Variants in LRBA observed in about 807,000 individuals in gnomAD.
LRBA encodes lipopolysaccharide-responsive and beige-like anchor protein.
Under a neutral mutation model 330.0 loss-of-function variants are expected in LRBA, and 176 were observed. The ratio of observed to expected loss-of-function variants is 0.53; its 90% CI spans 0.47 to 0.60. The LOEUF (loss-of-function observed/expected upper bound fraction) is 0.60. LRBA is among the 20% of genes least tolerant of loss of function. The pLI, the probability that LRBA is intolerant of heterozygous loss-of-function variation, is 0.00. For missense variants in LRBA, 3,259 were observed against 3,444.8 expected (o/e 0.95, Z 1.35); for synonymous variants, 1,230 against 1,193.0 (o/e 1.03, Z -0.64).
At chr4:150,946,364 T>C (rs984976957) in intron 2 of LRBA, among the ~76,000 whole-genome samples, 2 of 152,138 alleles carry the variant, frequency 1.3e-5, no homozygotes, top group African/African-American at 4.8e-5. Flanking sequence ...GATTATATTC[T>C]GGGACATAAT....
intron 2 of LRBA, among the ~76,000 whole-genome samples, chr4:150,979,919 C>A (rs923586184): frequency 3.9e-5 from 6 of 152,154 alleles, no homozygotes; most frequent in Admixed American, 1.3e-4. Flanking sequence ...ACCAATCCTA[C>A]TCAAATTATT....
chr4:150,962,690 G>T (rs959648538), intron 2 of LRBA, among the ~76,000 whole-genome samples: 2 of 148,522 alleles, frequency 1.3e-5, no homozygotes, highest in African/African-American at 5.2e-5. Context: ...ACAGTGGCTC[G>T]TGCCTGTAAT....
chr4:150,844,332 C>CT, intron 27 of LRBA, 125 bp from the exon 28 acceptor site: 2 of 552,142 alleles, frequency 3.6e-6, no homozygotes, highest in South Asian at 4.3e-5. Context: ...CCTTTCCCCA[C>CT]TTTTTTTGTG....
At chr4:150,691,286 GA>G (rs1316572936) in intron 36 of LRBA, among the ~76,000 whole-genome samples, 1 of 151,416 alleles carries the variant, frequency 6.6e-6, no homozygotes, top group Non-Finnish European at 1.5e-5. Flanking sequence ...CACAAATTGT[GA>G]AAAAAAATTT....
At chr4:150,665,963 CA>C (rs1781518911) in intron 37 of LRBA, among the ~76,000 whole-genome samples, 1 of 151,492 alleles carries the variant, frequency 6.6e-6, no homozygotes, top group African/African-American at 2.4e-5. Context: ...TGAAAGAAGA[CA>C]AAAAAGAAGT....
intron 47 of LRBA, among the ~76,000 whole-genome samples, chr4:150,406,378 T>A (rs888027238): frequency 1.3e-5 from 2 of 152,178 alleles, no homozygotes; most frequent in South Asian, 2.1e-4. Flanking sequence ...TAAATGTGAA[T>A]AAACACTTCA....
intron 44 of LRBA, among the ~76,000 whole-genome samples, chr4:150,445,371 CTCTCTCTA>C (rs1487395501): frequency 1.4e-4 from 12 of 84,384 alleles, no homozygotes; most frequent in Non-Finnish European, 2.2e-4. Context: ...CTCTCTCTCT[CTCTCTCTA>C]TATATATATA....
At chr4:150,702,536 A>G (rs1386707770) in intron 36 of LRBA, among the ~76,000 whole-genome samples, 1 of 152,164 alleles carries the variant, frequency 6.6e-6, no homozygotes, top group Non-Finnish European at 1.5e-5. Flanking sequence ...CAAGCTACAG[A>G]TTTGAGACTA....
At chr4:150,360,155 T>C (rs1287741395) in intron 47 of LRBA, among the ~76,000 whole-genome samples, 1 of 151,886 alleles carries the variant, frequency 6.6e-6, no homozygotes, top group African/African-American at 2.4e-5. Flanking sequence ...TTTTAATTTA[T>C]AAAAAATTTT....
At chr4:150,529,799 C>T (rs1763870324) in intron 40 of LRBA, among the ~76,000 whole-genome samples, 1 of 151,928 alleles carries the variant, frequency 6.6e-6, no homozygotes, top group Non-Finnish European at 1.5e-5. Context: ...CTTTTCTCTA[C>T]TTTTTCTTAT....
rs1037066132 is a variant in LRBA, at chr4:150,953,587, G to C, written c.217-24522C>G. ...GCCGTGTTGGCTGGGCTGGTCTCCA[G>C]CTCCTACCGCGAGTGATCTGCCAGC... On this transcript the variant is annotated intron_variant, in intron 2 of 56. Coordinates refer to ENST00000651943, the MANE Select transcript of LRBA (RefSeq NM_001364905.1). 1.2e-4 allele frequency among the ~76,000 whole-genome samples: 17 copies of C among 146,672 alleles called. No individual in the cohort carries two copies. The East Asian group carries it at 3.3e-3, about 29-fold the overall frequency.
chr4:150,713,186 T>C (rs1324510694), intron 36 of LRBA, among the ~76,000 whole-genome samples: 1 of 152,164 alleles, frequency 6.6e-6, no homozygotes, highest in Non-Finnish European at 1.5e-5. Flanking sequence ...TCCTCCTGCT[T>C]TGACCTCCTA....
intron 35 of LRBA, among the ~76,000 whole-genome samples, chr4:150,741,771 T>A (rs1172264736): frequency 6.6e-6 from 1 of 152,056 alleles, no homozygotes; most frequent in African/African-American, 2.4e-5. Context: ...ACACAAAAAA[T>A]ATAAAATGTA....
At chr4:150,785,192 T>C (rs1333862922) in intron 34 of LRBA, among the ~76,000 whole-genome samples, 1 of 152,130 alleles carries the variant, frequency 6.6e-6, no homozygotes, top group African/African-American at 2.4e-5. Context: ...GGAGTCAAAG[T>C]TGTCCTCTTA....
chr4:150,610,698 A>T (rs776944158), intron 37 of LRBA, among the ~76,000 whole-genome samples: 44 of 152,190 alleles, frequency 2.9e-4, no homozygotes, highest in Non-Finnish European at 5.3e-4. Flanking sequence ...AGGTTAAGGA[A>T]AATGAGTAGG....
At chr4:150,515,507 A>G (rs1762247214) in intron 40 of LRBA, among the ~76,000 whole-genome samples, 1 of 152,174 alleles carries the variant, frequency 6.6e-6, no homozygotes, top group African/African-American at 2.4e-5. Context: ...TCTTAAATTA[A>G]TTAGTGTAGG....
At chr4:150,808,108 GAAATGACTTGTACATCATC>G (rs1162359806) in intron 32 of LRBA, among the ~76,000 whole-genome samples, 193 bp downstream of exon 32, 1 of 151,592 alleles carries the variant, frequency 6.6e-6, no homozygotes, top group Non-Finnish European at 1.5e-5. Flanking sequence ...TGTACATCAT[GAAATGACTTGTACATCATC>G]AAATGACTTG....
chr4:150,715,525 C>A (rs1291629980), intron 36 of LRBA, among the ~76,000 whole-genome samples: 1 of 152,054 alleles, frequency 6.6e-6, no homozygotes, highest in Non-Finnish European at 1.5e-5. Context: ...CTGAATAAGC[C>A]AACAAAAGCA....
Position 150,956,626 on chromosome 4 carries a change from C to G in LRBA, c.217-27561G>C, listed in dbSNP as rs184448206. 3.6e-4 allele frequency among the ~76,000 whole-genome samples: 53 copies of G among 149,028 alleles called. No homozygotes were observed. In the East Asian group the frequency reaches 9.5e-3, roughly 27 times the overall value. On this transcript the variant is annotated intron_variant, in intron 2 of 56. Transcript: ENST00000651943. Reference sequence around the variant, plus strand: ...TTATGAATATGAACACAAAAATCCTCAACAAAATACTAGCAAACCAAATCC... The same window carrying G: ...TTATGAATATGAACACAAAAATCCTGAACAAAATACTAGCAAACCAAATCC...
Sources: allele counts gnomAD v4.1 joint callset (sites outside exome capture counted in the v4.1 genomes callset), GRCh38; gene constraint gnomAD v4.1.1; transcripts MANE v1.5; gene names NCBI Gene and HGNC (gene_info 2026-07-23, HGNC 2026-07-21).